TTL: variants seen among roughly 807,000 people sequenced by gnomAD.
TTL encodes tubulin--tyrosine ligase.
Under a neutral mutation model 41.1 loss-of-function variants are expected in TTL, and 10 were observed. The ratio of observed to expected loss-of-function variants is 0.24; its 90% CI spans 0.15 to 0.41. TTL has a LOEUF of 0.41. Among genes scored for constraint, TTL ranks in the 10% least tolerant of loss-of-function variants. The pLI is 1.00. For synonymous variants in TTL, 175 were observed against 175.5 expected, an observed-to-expected ratio of 1.00 and a Z score of 0.02; for missense variants, 367 against 460.4, an observed-to-expected ratio of 0.80 and a Z score of 1.86.
At chr2:112,500,273 T>G (rs1681654025) in intron 3 of TTL, among the ~76,000 whole-genome samples, 2 of 151,460 alleles carry the variant, frequency 1.3e-5, no homozygotes, top group South Asian at 4.2e-4. Flanking sequence ...GAAACCGTTC[T>G]AAAATTAAAC....
At chr2:112,511,410 A>G (rs1046283707) in intron 5 of TTL, among the ~76,000 whole-genome samples, 1 of 152,028 alleles carries the variant, frequency 6.6e-6, no homozygotes, top group African/African-American at 2.4e-5. Context: ...GAAGTCTACA[A>G]GTATAATTAT....
intron 6 of TTL, among the ~76,000 whole-genome samples, chr2:112,524,728 C>T (rs541181401): frequency 6.6e-6 from 1 of 152,236 alleles, no homozygotes; most frequent in South Asian, 2.1e-4. Flanking sequence ...AAAATTTTCT[C>T]CCATTCTGTA....
At chr2:112,489,189 A>G (rs1681318162) in intron 2 of TTL, among the ~76,000 whole-genome samples, 1 of 152,256 alleles carries the variant, frequency 6.6e-6, no homozygotes. Context: ...AAAAGCTATT[A>G]TATTTTACGT....
chr2:112,494,120 G>A lies in TTL; in HGVS notation c.237-23G>A. ...ACAAAGTGCACTAAGAAGGGAGGCTGATCCTCTTCTGTCATCTGCCAGGCT... is the reference window on the plus strand; with the variant it reads ...ACAAAGTGCACTAAGAAGGGAGGCTAATCCTCTTCTGTCATCTGCCAGGCT... On this transcript the variant is annotated intron_variant, in intron 2 of 6. Transcript: ENST00000233336. 1.9e-6 allele frequency: 3 copies of A among 1,600,310 alleles called. No individual in the cohort carries two copies. In the South Asian group the frequency reaches 3.3e-5, roughly 18 times the overall value.
chr2:112,531,564 G>C lies in TTL; in HGVS notation c.*2769G>C, dbSNP rs957991840. 1 of 229,520 alleles carries C rather than the reference G, an allele frequency of 4.4e-6. No individual in the cohort carries two copies. The highest frequency in any genetic ancestry group is 2.2e-5 in the African/African-American group (1 of 45,070). The allele number at this position is 229,520 out of a possible 1,614,324, so 14.2% of individuals were successfully genotyped here. On this transcript the variant is annotated 3_prime_UTR_variant, in exon 7 of 7. Transcript: ENST00000233336. Reference sequence around the variant, plus strand: ...AAATGTTAGTGCCCACTCTTCCCCTGTACCCCCGGACAGTTAAATCAGAAC... The same window carrying C: ...AAATGTTAGTGCCCACTCTTCCCCTCTACCCCCGGACAGTTAAATCAGAAC...
At chr2:112,525,187 A>T (rs1682339487) in intron 6 of TTL, among the ~76,000 whole-genome samples, 1 of 152,194 alleles carries the variant, frequency 6.6e-6, no homozygotes, top group African/African-American at 2.4e-5. Context: ...TGTTTTGGTT[A>T]CTGTAGCCTT....
At chr2:112,486,464 G>A (rs1036847312) in intron 2 of TTL, among the ~76,000 whole-genome samples, 1 of 152,192 alleles carries the variant, frequency 6.6e-6, no homozygotes, top group Non-Finnish European at 1.5e-5. Context: ...GCTTAGCTTC[G>A]CAGGCATTTC....
chr2:112,483,729 G>A (rs1166884534), intron 1 of TTL: 1 of 152,256 alleles, frequency 6.6e-6, no homozygotes, highest in Non-Finnish European at 1.5e-5. Context: ...GAGCTGCAGT[G>A]TAAAGTTGCT....
chr2:112,499,817 A>G (rs1368622214), intron 3 of TTL, among the ~76,000 whole-genome samples: 1 of 152,182 alleles, frequency 6.6e-6, no homozygotes, highest in Non-Finnish European at 1.5e-5. Flanking sequence ...AGCAAACAGT[A>G]AGACCCCAGC....
At chr2:112,496,707 G>GTT (rs1681539515) in intron 3 of TTL, among the ~76,000 whole-genome samples, 2 of 82,708 alleles carry the variant, frequency 2.4e-5, no homozygotes, top group Non-Finnish European at 2.5e-5. Flanking sequence ...GTGTGTGTGT[G>GTT]TATTTTTTTT....
At chr2:112,520,638 G>A in intron 6 of TTL, 2 of 571,916 alleles carry the variant, frequency 3.5e-6, no homozygotes, top group Non-Finnish European at 6.0e-6. Context: ...CAGTGTGGTA[G>A]CTCATGCTTG....
At chr2:112,494,074 G>C (rs1401144578) in intron 2 of TTL, 69 bp from the exon 3 acceptor site, 5 of 1,227,168 alleles carry the variant, frequency 4.1e-6, no homozygotes, top group African/African-American at 3.0e-5. Flanking sequence ...GGGGAAAGGA[G>C]TGGCCTTTCT....
intron 5 of TTL, among the ~76,000 whole-genome samples, chr2:112,513,410 C>G (rs1348456007): frequency 6.6e-6 from 1 of 151,732 alleles, no homozygotes; most frequent in Non-Finnish European, 1.5e-5. Context: ...TTATATTTAC[C>G]CATATACTTC....
intron 2 of TTL, among the ~76,000 whole-genome samples, chr2:112,486,587 T>C (rs182677159): frequency 6.6e-6 from 1 of 152,198 alleles, no homozygotes. Context: ...GAGCATTCAC[T>C]GCACTGCCCA....
chr2:112,515,509 AT>A (rs1177329119), intron 5 of TTL, among the ~76,000 whole-genome samples: 1 of 152,156 alleles, frequency 6.6e-6, no homozygotes, highest in African/African-American at 2.4e-5. Flanking sequence ...TCTAGTAAAG[AT>A]TTTTTAAATG....
chr2:112,488,174 A>T (rs1236803795), intron 2 of TTL, among the ~76,000 whole-genome samples: 1 of 152,206 alleles, frequency 6.6e-6, no homozygotes, highest in Non-Finnish European at 1.5e-5. Context: ...TAGAACCCTG[A>T]GGGGCTTTTC....
At chr2:112,497,189 G>T (rs1361287355) in intron 3 of TTL, among the ~76,000 whole-genome samples, 1 of 151,732 alleles carries the variant, frequency 6.6e-6, no homozygotes, top group African/African-American at 2.4e-5. Flanking sequence ...TTAATTTTTT[G>T]ATTTTTAGTA....
rs1057493487 is a variant in TTL at position 112,539,249 on chromosome 2, T to C, written c.*10454T>C. On this transcript the variant is annotated 3_prime_UTR_variant, in exon 7 of 7. Coordinates refer to ENST00000233336, the MANE Select transcript of TTL (RefSeq NM_153712.5). ...GCTACCTGGGTGACAGGTTCAACCA[T>C]ACCCCAGACCTCAGCATCACCCAAT... is the stretch of plus-strand genomic sequence containing the variant. The C allele has an allele frequency of 2.7e-5, 4 of 150,924 alleles. No homozygotes were observed. The highest frequency in any genetic ancestry group is 9.7e-5 in the African/African-American group (4 of 41,026). The allele number at this position is 150,924 out of a possible 1,614,324, so 9.3% of individuals were successfully genotyped here.
At position 112,540,199 on chromosome 2, in the gene TTL, C is replaced by T. The variant is rs13424021; in HGVS notation, c.*11404C>T. 20,705 of 152,036 alleles carry T rather than the reference C, an allele frequency of 0.14. 2,082 individuals are homozygous for T. Among genetic ancestry groups the T allele is most frequent in the East Asian group, 0.32 (1,646 of 5,174 alleles). The allele number at this position is 152,036 out of a possible 1,614,324, so 9.4% of individuals were successfully genotyped here. A position where few individuals can be genotyped will look rare whatever the true frequency, so the allele number is the denominator to read the frequency against. ...ACACCTGTAATCCCAGCACTTTGGG[C>T]GGCCAAGGCAGATGGATTACTTGAG... On this transcript the variant is annotated 3_prime_UTR_variant, in exon 7 of 7. Coordinates refer to ENST00000233336, the MANE Select transcript of TTL (RefSeq NM_153712.5).
Sources: gnomAD v4.1 joint callset for allele counts (sites outside exome capture counted in the v4.1 genomes callset) on GRCh38, gnomAD v4.1.1 for gene constraint, MANE v1.5 for transcripts, NCBI Gene and HGNC (gene_info 2026-07-23, HGNC 2026-07-21) for gene names.